TTC7B: variants seen among roughly 807,000 people sequenced by gnomAD.
TTC7B encodes the protein tetratricopeptide repeat protein 7B.
TTC7B carries 28 observed loss-of-function variants against 106.8 expected under a neutral mutation model. The observed-to-expected ratio is 0.26, with a 90% CI of 0.19 to 0.36. The LOEUF (loss-of-function observed/expected upper bound fraction) is 0.36. Ranked by LOEUF, TTC7B falls within the 10% of genes least tolerant of loss-of-function variation. The pLI is 1.00. For synonymous variants in TTC7B, 405 were observed against 430.6 expected (o/e 0.94, Z 0.74); for missense variants, 862 against 1,076.4 (o/e 0.80, Z 2.79).
At chr14:90,815,979 G>T (rs1039182421) in intron 1 of TTC7B, among the ~76,000 whole-genome samples, 196 bp downstream of exon 1, 10 of 150,804 alleles carry the variant, frequency 6.6e-5, no homozygotes, top group Non-Finnish European at 1.3e-4. Flanking sequence ...GCGCCCCCCC[G>T]GGCCCCCACA....
At chr14:90,717,881 C>T (rs1206580928) in intron 5 of TTC7B, among the ~76,000 whole-genome samples, 2 of 152,140 alleles carry the variant, frequency 1.3e-5, no homozygotes, top group Non-Finnish European at 2.9e-5. Context: ...ACCCTGCTTC[C>T]CCAACAGATA....
chr14:90,807,356 G>A lies in TTC7B; in HGVS notation c.121+8819C>T, dbSNP rs1347106827. On this transcript the variant is annotated intron_variant, in intron 1 of 19. Coordinates refer to ENST00000328459, the MANE Select transcript of TTC7B (RefSeq NM_001010854.2). The surrounding 1 kb of genome is among the most constrained non-coding windows in gnomAD (Gnocchi z 4.1). Reference sequence around the variant, plus strand: ...CAGGGTCACATTCTGTCTCCCACTCGGACAACCACGTCTAAAGTCTGGTCC... The same window carrying A: ...CAGGGTCACATTCTGTCTCCCACTCAGACAACCACGTCTAAAGTCTGGTCC... Among the ~76,000 whole-genome samples the A allele has an allele frequency of 6.6e-6, 1 of 152,040 alleles. No individual in the cohort carries two copies. The highest frequency in any genetic ancestry group is 1.5e-5 in the Non-Finnish European group (1 of 68,006).
At chr14:90,542,920 A>G (rs1197674049) in intron 19 of TTC7B, among the ~76,000 whole-genome samples, 1 of 152,146 alleles carries the variant, frequency 6.6e-6, no homozygotes, top group Non-Finnish European at 1.5e-5. Flanking sequence ...ACATTTTGCA[A>G]ATTTTATCCC....
chr14:90,651,442 A>G (rs1885711740), intron 13 of TTC7B, among the ~76,000 whole-genome samples: 1 of 152,264 alleles, frequency 6.6e-6, no homozygotes, highest in Admixed American at 6.5e-5. Context: ...GTTATATAAC[A>G]TGAAGTTATA....
chr14:90,621,327 TG>T (rs1213157089), intron 15 of TTC7B, among the ~76,000 whole-genome samples: 2 of 142,428 alleles, frequency 1.4e-5, no homozygotes, highest in African/African-American at 5.6e-5. Flanking sequence ...GCCGGGACGA[TG>T]GGCAGAGGCC....
At chr14:90,604,920 G>A (rs1382758124) in intron 17 of TTC7B, among the ~76,000 whole-genome samples, 2 of 152,294 alleles carry the variant, frequency 1.3e-5, no homozygotes, top group African/African-American at 2.4e-5. Flanking sequence ...ATAGTTTCAC[G>A]ACACAAACCC....
chr14:90,687,811 T>A (rs1188847633), intron 7 of TTC7B, among the ~76,000 whole-genome samples: 1 of 152,102 alleles, frequency 6.6e-6, no homozygotes, highest in Non-Finnish European at 1.5e-5. Context: ...TAAATTACGA[T>A]AAGCCGAGGG....
intron 18 of TTC7B, among the ~76,000 whole-genome samples, chr14:90,580,200 G>A (rs1269886790): frequency 6.6e-6 from 1 of 150,506 alleles, no homozygotes; most frequent in Non-Finnish European, 1.5e-5. Flanking sequence ...AACAGTGCCT[G>A]GCACATAGTC....
In TTC7B at chr14:90,730,187, A is replaced by C. The variant is rs778312160; in HGVS notation, c.586T>G (p.Ser196Ala). ...YLQEIERVIL[S>A]NIQNRSPKPG... ...TTAGGGCTTCTGTTTTGAATATTAG[A>C]AAGTATTACCTAGAAGGGGAGAAAA... Residue 196 changes from serine (S) to alanine (A), a missense_variant, in exon 5 of 20, where the codon TCT (serine) becomes GCT (alanine). Ser to Ala is a moderately conservative substitution (Grantham distance 99). Coordinates refer to ENST00000328459, the MANE Select transcript of TTC7B (RefSeq NM_001010854.2). 3.1e-6 allele frequency: 5 copies of C among 1,603,240 alleles called. No homozygotes were observed. In the African/African-American group the frequency reaches 6.8e-5, roughly 22 times the overall value.
intron 18 of TTC7B, chr14:90,585,585 C>A (rs1400732079): frequency 6.6e-6 from 1 of 152,412 alleles, no homozygotes; most frequent in Non-Finnish European, 1.5e-5. Flanking sequence ...CATCCCCCCT[C>A]TCTTTTGGAT....
chr14:90,620,310 G>T (rs1198137402), intron 15 of TTC7B, among the ~76,000 whole-genome samples: 1 of 152,172 alleles, frequency 6.6e-6, no homozygotes, highest in Admixed American at 6.6e-5. Flanking sequence ...TGCTTTGGAA[G>T]CCTTACCAAG....
chr14:90,589,894 G>T (rs1427808376), intron 18 of TTC7B, among the ~76,000 whole-genome samples: 1 of 152,162 alleles, frequency 6.6e-6, no homozygotes, highest in Non-Finnish European at 1.5e-5. Flanking sequence ...AATCAGTAGA[G>T]TATTGGTTAA....
chr14:90,804,340 AAAAAG>A (rs540469588), intron 1 of TTC7B, among the ~76,000 whole-genome samples: 551 of 152,054 alleles, frequency 3.6e-3, no homozygotes, highest in Admixed American at 0.012. Context: ...TCAAAAAAAA[AAAAAG>A]AAAAGAAAAG....
intron 9 of TTC7B, among the ~76,000 whole-genome samples, chr14:90,662,139 G>A (rs1465777287): frequency 6.6e-6 from 1 of 152,222 alleles, no homozygotes; most frequent in African/African-American, 2.4e-5. Context: ...TTTTGGCAGG[G>A]GGGACGAGCA....
At chr14:90,650,946 T>C (rs545952343) in intron 13 of TTC7B, among the ~76,000 whole-genome samples, 3 of 152,350 alleles carry the variant, frequency 2.0e-5, no homozygotes, top group Admixed American at 6.5e-5. Flanking sequence ...CAAATATGTC[T>C]GAATTCTGGC....
chr14:90,631,855 C>T (rs1884719369), intron 15 of TTC7B, among the ~76,000 whole-genome samples: 1 of 152,116 alleles, frequency 6.6e-6, no homozygotes, highest in Non-Finnish European at 1.5e-5. Flanking sequence ...ATTTGCATTT[C>T]CCTAATGGTT....
intron 5 of TTC7B, among the ~76,000 whole-genome samples, chr14:90,703,201 C>T (rs1030025950): frequency 6.6e-6 from 1 of 152,088 alleles, no homozygotes; most frequent in Non-Finnish European, 1.5e-5. Flanking sequence ...CACTGATGGG[C>T]ACAGGCCAAC....
intron 3 of TTC7B, among the ~76,000 whole-genome samples, chr14:90,761,007 G>GT (rs1326494342): frequency 6.6e-6 from 1 of 152,150 alleles, no homozygotes; most frequent in Non-Finnish European, 1.5e-5. Flanking sequence ...TGCAAAAATT[G>GT]TAACAGTGAG....
At chr14:90,678,133 T>C (rs1250010901) in intron 8 of TTC7B, among the ~76,000 whole-genome samples, 1 of 152,228 alleles carries the variant, frequency 6.6e-6, no homozygotes, top group Non-Finnish European at 1.5e-5. Context: ...TTCTTTTCAT[T>C]TTTAGAGAAA....
Sources: gnomAD v4.1 joint callset for allele counts (sites outside exome capture counted in the v4.1 genomes callset) on GRCh38, gnomAD v4.1.1 for gene constraint, Gnocchi (gnomAD v3.1) non-coding constraint, MANE v1.5 for transcripts, NCBI Gene and HGNC (gene_info 2026-07-23, HGNC 2026-07-21) for gene names.